Variants in SEMA5A observed in about 807,000 individuals in gnomAD.
SEMA5A encodes semaphorin-5A.
A neutral mutation model predicts 135.5 loss-of-function variants in SEMA5A; 55 were observed. That is an observed-to-expected ratio of 0.41 (90% confidence interval 0.33 to 0.51). The LOEUF is 0.51. Among genes scored for constraint, SEMA5A ranks in the 20% least tolerant of loss-of-function variants. The probability of loss-of-function intolerance (pLI) is 0.37; values close to 1 mark genes in which losing one functional copy is unlikely to be tolerated. For missense variants in SEMA5A, 1,290 were observed against 1,419.9 expected, an observed-to-expected ratio of 0.91 and a Z score of 1.47; for synonymous variants, 580 against 546.5, an observed-to-expected ratio of 1.06 and a Z score of -0.85.
intron 11 of SEMA5A, among the ~76,000 whole-genome samples, chr5:9,176,440 T>C (rs1046082374): frequency 1.3e-5 from 2 of 152,198 alleles, no homozygotes; most frequent in Non-Finnish European, 2.9e-5. Context: ...GGCATCCTGA[T>C]TGCAGCCTAG....
intron 13 of SEMA5A, among the ~76,000 whole-genome samples, chr5:9,132,148 T>C (rs927383570): frequency 2.6e-5 from 4 of 152,200 alleles, no homozygotes; most frequent in East Asian, 1.9e-4. Flanking sequence ...ATCTGTACTA[T>C]AGAAACCCAT....
intron 5 of SEMA5A, among the ~76,000 whole-genome samples, chr5:9,295,139 A>G (rs1449872449): frequency 6.6e-6 from 1 of 152,196 alleles, no homozygotes; most frequent in African/African-American, 2.4e-5. Context: ...CCAGAGCTCT[A>G]GTTTCCCAGG....
intron 16 of SEMA5A, among the ~76,000 whole-genome samples, chr5:9,101,504 T>C (rs1223409477): frequency 6.6e-6 from 1 of 152,252 alleles, no homozygotes; most frequent in Non-Finnish European, 1.5e-5. Flanking sequence ...ATGATGATGA[T>C]GGTGATGAAG....
chr5:9,042,763 G>T lies in SEMA5A; in HGVS notation c.*134C>A. 1.9e-6 allele frequency: 2 copies of T among 1,042,198 alleles called. No homozygotes were observed. Among genetic ancestry groups the T allele is most frequent in the Non-Finnish European group, 2.8e-6 (2 of 704,752 alleles). The allele number at this position is 1,042,198 out of a possible 1,614,324, so 64.6% of individuals were successfully genotyped here. A position where few individuals can be genotyped will look rare whatever the true frequency, so the allele number is the denominator to read the frequency against. ...AAGACGTGTATTTTTGGCAGCAATG[G>T]GACACTCTGGTGGCTTGAAATGCAC... On this transcript the variant is annotated 3_prime_UTR_variant, in exon 23 of 23. Coordinates refer to ENST00000382496, the MANE Select transcript of SEMA5A (RefSeq NM_003966.3).
intron 13 of SEMA5A, among the ~76,000 whole-genome samples, chr5:9,126,123 C>T (rs1741098369): frequency 6.6e-6 from 1 of 152,084 alleles, no homozygotes; most frequent in Non-Finnish European, 1.5e-5. Context: ...ATATATAGGT[C>T]TGTACTATTT....
chr5:9,414,915 A>G (rs1306402401), intron 2 of SEMA5A, among the ~76,000 whole-genome samples: 1 of 152,194 alleles, frequency 6.6e-6, no homozygotes, highest in African/African-American at 2.4e-5. Context: ...CACCTAGGAC[A>G]GTGCCTGCAT....
chr5:9,115,124 C>T (rs1046759247), intron 15 of SEMA5A, among the ~76,000 whole-genome samples: 1 of 152,122 alleles, frequency 6.6e-6, no homozygotes, highest in Non-Finnish European at 1.5e-5. Flanking sequence ...ATTGAAGGCC[C>T]ATAATGTTTT....
At chr5:9,047,818 G>C (rs1479157213) in intron 21 of SEMA5A, among the ~76,000 whole-genome samples, 5 of 152,164 alleles carry the variant, frequency 3.3e-5, no homozygotes, top group African/African-American at 4.8e-5. Flanking sequence ...TCTCAGAATA[G>C]TTCAACTTCC....
At chr5:9,043,312 TA>T in intron 22 of SEMA5A, 1 of 278,796 alleles carries the variant, frequency 3.6e-6, no homozygotes, top group Non-Finnish European at 6.7e-6. Flanking sequence ...CTAGAAAACC[TA>T]AAACTATAAT....
intron 16 of SEMA5A, among the ~76,000 whole-genome samples, chr5:9,075,136 A>ACCTT (rs1737978469): frequency 6.6e-6 from 1 of 152,248 alleles, no homozygotes; most frequent in South Asian, 2.1e-4. Context: ...AAAGTTGAGT[A>ACCTT]TTTCTAAGTA....
intron 2 of SEMA5A, among the ~76,000 whole-genome samples, chr5:9,432,936 T>G (rs1757907312): frequency 1.3e-5 from 2 of 152,218 alleles, no homozygotes; most frequent in African/African-American, 4.8e-5. Flanking sequence ...GTTGTTAAAA[T>G]ATAGTCATAG....
At chr5:9,542,015 T>C (rs1738119595) in intron 1 of SEMA5A, among the ~76,000 whole-genome samples, 2 of 152,256 alleles carry the variant, frequency 1.3e-5, no homozygotes, top group Non-Finnish European at 2.9e-5. Context: ...TTGAGCAGGT[T>C]CATTTATATT....
chr5:9,190,940 G>A (rs1296456738), intron 10 of SEMA5A, among the ~76,000 whole-genome samples: 2 of 152,336 alleles, frequency 1.3e-5, no homozygotes, highest in East Asian at 3.9e-4. Context: ...TGGATTTCAA[G>A]CTGATAGCAT....
chr5:9,118,126 G>A (rs931750799), intron 15 of SEMA5A, among the ~76,000 whole-genome samples: 2 of 152,058 alleles, frequency 1.3e-5, no homozygotes, highest in African/African-American at 4.8e-5. Context: ...ATTTTTATTC[G>A]AGGTTCCAGT....
chr5:9,050,698 G>GT (rs1170057716), intron 20 of SEMA5A, among the ~76,000 whole-genome samples: 1 of 152,202 alleles, frequency 6.6e-6, no homozygotes, highest in East Asian at 1.9e-4. Flanking sequence ...GAAAGATAAT[G>GT]CTATGGTCTC....
intron 1 of SEMA5A, among the ~76,000 whole-genome samples, chr5:9,500,926 T>C: frequency 6.6e-6 from 1 of 152,190 alleles, no homozygotes; most frequent in Non-Finnish European, 1.5e-5. Flanking sequence ...GAATCTTTCA[T>C]CAATATCTTC....
chr5:9,533,302 G>A (rs1402600929), intron 1 of SEMA5A, among the ~76,000 whole-genome samples: 1 of 152,108 alleles, frequency 6.6e-6, no homozygotes, highest in Non-Finnish European at 1.5e-5. Context: ...TTACAACATT[G>A]GCTTGCTCCT....
At chr5:9,503,081 G>A (rs1298918395) in intron 1 of SEMA5A, among the ~76,000 whole-genome samples, 1 of 152,044 alleles carries the variant, frequency 6.6e-6, no homozygotes, top group African/African-American at 2.4e-5. Flanking sequence ...TCAGTGAAAG[G>A]AAACAGAGCC....
chr5:9,090,287 A>G (rs191717812), intron 16 of SEMA5A, among the ~76,000 whole-genome samples: 120 of 152,150 alleles, frequency 7.9e-4, no homozygotes, highest in Non-Finnish European at 9.1e-4. Flanking sequence ...CTCAGGCCCA[A>G]CTCCATTTAC....
Sources: allele counts gnomAD v4.1 joint callset (sites outside exome capture counted in the v4.1 genomes callset), GRCh38; gene constraint gnomAD v4.1.1; transcripts MANE v1.5; gene names NCBI Gene and HGNC (gene_info 2026-07-23, HGNC 2026-07-21).